Variants in TBC1D5 observed in about 807,000 individuals in gnomAD.
TBC1D5 encodes TBC1 domain family, member 5.
A neutral mutation model predicts 100.3 loss-of-function variants in TBC1D5; 75 were observed. That is an observed-to-expected ratio of 0.75 (90% CI 0.62 to 0.91). The LOEUF (loss-of-function observed/expected upper bound fraction) is 0.91. Among genes scored for constraint, TBC1D5 ranks in the 40% least tolerant of loss-of-function variants. The pLI is 0.00. For missense variants in TBC1D5, 910 were observed against 942.4 expected, an observed-to-expected ratio of 0.97 and a Z score of 0.45; for synonymous variants, 323 against 325.6, an observed-to-expected ratio of 0.99 and a Z score of 0.09.
At chr3:17,559,265 C>A (rs2096541999) in intron 2 of TBC1D5, among the ~76,000 whole-genome samples, 1 of 151,896 alleles carries the variant, frequency 6.6e-6, no homozygotes, top group Non-Finnish European at 1.5e-5. Flanking sequence ...CTCAGCCTCC[C>A]AAGTAGCTGG....
intron 18 of TBC1D5, among the ~76,000 whole-genome samples, chr3:17,209,967 C>G (rs1003853741): frequency 2.0e-5 from 3 of 152,224 alleles, no homozygotes; most frequent in African/African-American, 4.8e-5. Context: ...TTCTGGGGAT[C>G]TTTTTGTTTT....
At chr3:17,411,202 GC>G (rs1443608056) in intron 4 of TBC1D5, among the ~76,000 whole-genome samples, 1 of 121,412 alleles carries the variant, frequency 8.2e-6, no homozygotes, top group African/African-American at 3.3e-5. Flanking sequence ...ATGATCCTTG[GC>G]ATTTTTTTTT....
chr3:17,479,307 A>C (rs2095473757), intron 3 of TBC1D5, among the ~76,000 whole-genome samples: 1 of 152,166 alleles, frequency 6.6e-6, no homozygotes, highest in African/African-American at 2.4e-5. Flanking sequence ...AGAGACTGAG[A>C]AAAGAAGATC....
At chr3:17,324,283 T>C (rs2085800922) in intron 13 of TBC1D5, among the ~76,000 whole-genome samples, 1 of 152,228 alleles carries the variant, frequency 6.6e-6, no homozygotes, top group African/African-American at 2.4e-5. Context: ...AAAACTCTAA[T>C]AATAAAAACT....
At chr3:17,494,527 T>C (rs1394884453) in intron 3 of TBC1D5, among the ~76,000 whole-genome samples, 1 of 152,254 alleles carries the variant, frequency 6.6e-6, no homozygotes, top group Admixed American at 6.5e-5. Flanking sequence ...CTAAGTCTGC[T>C]GATGGGCAGA....
intron 14 of TBC1D5, among the ~76,000 whole-genome samples, chr3:17,297,909 A>C (rs557646472): frequency 5.9e-5 from 9 of 152,260 alleles, no homozygotes; most frequent in African/African-American, 1.9e-4. Flanking sequence ...AAGTCTTTTA[A>C]TGCAAACTGT....
chr3:17,651,789 T>G (rs141827501), intron 1 of TBC1D5, among the ~76,000 whole-genome samples: 1 of 152,112 alleles, frequency 6.6e-6, no homozygotes, highest in Non-Finnish European at 1.5e-5. Context: ...ATATCCATTG[T>G]TAGGTGAGGA....
chr3:17,655,512 T>C (rs1183653743), intron 1 of TBC1D5, among the ~76,000 whole-genome samples: 1 of 151,912 alleles, frequency 6.6e-6, no homozygotes, highest in East Asian at 1.9e-4. Flanking sequence ...ATATAAATTC[T>C]ATAAACTTCC....
chr3:17,159,412 C>T (rs1013431705), exon 22 of TBC1D5: 1 of 152,202 alleles, frequency 6.6e-6, no homozygotes, highest in East Asian at 1.9e-4. Flanking sequence ...CTATACTGAG[C>T]TTTCATTTGT....
chr3:17,527,642 T>A (rs542287403), intron 2 of TBC1D5, among the ~76,000 whole-genome samples: 2 of 152,166 alleles, frequency 1.3e-5, no homozygotes, highest in South Asian at 4.1e-4. Context: ...TCCTCAAAAT[T>A]GTATTAGACT....
chr3:17,725,358 A>C (rs2076034801), intron 1 of TBC1D5, among the ~76,000 whole-genome samples: 1 of 152,018 alleles, frequency 6.6e-6, no homozygotes, highest in African/African-American at 2.4e-5. Context: ...AGAGAAGGCC[A>C]GTTGTTATAA....
chr3:17,702,657 T>C (rs1349252248), intron 1 of TBC1D5, among the ~76,000 whole-genome samples: 2 of 150,988 alleles, frequency 1.3e-5, no homozygotes, highest in Non-Finnish European at 2.9e-5. Context: ...AACGAAATGA[T>C]GCATTAACTT....
intron 8 of TBC1D5, among the ~76,000 whole-genome samples, chr3:17,384,342 G>T (rs2094073384): frequency 6.6e-6 from 1 of 151,824 alleles, no homozygotes; most frequent in African/African-American, 2.4e-5. Context: ...TTAGCCCACT[G>T]GTTTTTAGGA....
At chr3:17,616,622 G>C (rs888125906) in intron 2 of TBC1D5, among the ~76,000 whole-genome samples, 3 of 152,146 alleles carry the variant, frequency 2.0e-5, no homozygotes, top group African/African-American at 7.2e-5. Context: ...TTGTTGAATT[G>C]ATCCCTTTAC....
At chr3:17,335,737 CA>C (rs1428748768) in intron 13 of TBC1D5, among the ~76,000 whole-genome samples, 1 of 152,012 alleles carries the variant, frequency 6.6e-6, no homozygotes. Flanking sequence ...TCAAATTACT[CA>C]GGGGGGGTTT....
At chr3:17,210,566 T>C (rs1470731739) in intron 18 of TBC1D5, among the ~76,000 whole-genome samples, 3 of 152,168 alleles carry the variant, frequency 2.0e-5, no homozygotes, top group Non-Finnish European at 4.4e-5. Context: ...CTATTTTAAT[T>C]CCTCATTCGT....
At chr3:17,466,149 G>A (rs2095297461) in intron 3 of TBC1D5, among the ~76,000 whole-genome samples, 1 of 152,120 alleles carries the variant, frequency 6.6e-6, no homozygotes, top group South Asian at 2.1e-4. Flanking sequence ...TTTTGCCTCT[G>A]CCTAGAGATA....
At chr3:17,238,684 T>C (rs996369710) in intron 16 of TBC1D5, among the ~76,000 whole-genome samples, 4 of 152,182 alleles carry the variant, frequency 2.6e-5, no homozygotes, top group Non-Finnish European at 4.4e-5. Context: ...TATGAGGACA[T>C]AACTGCCCCA....
chr3:17,317,166 ATATAAT>A (rs1187552506), intron 13 of TBC1D5, among the ~76,000 whole-genome samples: 2 of 152,248 alleles, frequency 1.3e-5, no homozygotes. Context: ...GAATAGCAAC[ATATAAT>A]TAGAAAGGCA....
Sources: allele counts gnomAD v4.1 joint callset (sites outside exome capture counted in the v4.1 genomes callset), GRCh38; gene constraint gnomAD v4.1.1; transcripts MANE v1.5; gene names NCBI Gene and HGNC (gene_info 2026-07-23, HGNC 2026-07-21).